TEF: variants seen among roughly 807,000 people sequenced by gnomAD.
TEF encodes TEF transcription factor, PAR bZIP family member.
Under a neutral mutation model 20.8 loss-of-function variants are expected in TEF, and 3 were observed. That is an observed-to-expected ratio of 0.14 (90% CI 0.07 to 0.37). The LOEUF (loss-of-function observed/expected upper bound fraction) is 0.37, where lower values mean the gene tolerates loss of function less well. Among genes scored for constraint, TEF ranks in the 10% least tolerant of loss-of-function variants. The pLI, the probability that TEF is intolerant of heterozygous loss-of-function variation, is 1.00. For synonymous variants in TEF, 180 were observed against 171.1 expected (o/e 1.05, Z -0.41); for missense variants, 296 against 397.9 (o/e 0.74, Z 2.18).
At chr22:41,394,005 C>T (rs2037197515) in intron 2 of TEF, 91 bp from the exon 3 acceptor site, 2 of 1,242,810 alleles carry the variant, frequency 1.6e-6, no homozygotes, top group Non-Finnish European at 2.3e-6. Context: ...GCTTATGCAG[C>T]CTTGAGGTTC....
rs183822036 is a variant in TEF, at chr22:41,397,841, T to G, written c.*1881T>G. 9 of 152,334 alleles carry G rather than the reference T, an allele frequency of 5.9e-5. No individual in the cohort carries two copies. Among genetic ancestry groups the G allele is most frequent in the Admixed American group, 3.3e-4 (5 of 15,306 alleles). 9.4% of individuals were successfully genotyped at this position (152,334 alleles called of 1,614,324 possible). A position where few individuals can be genotyped will look rare whatever the true frequency, so the allele number is the denominator to read the frequency against. On this transcript the variant is annotated 3_prime_UTR_variant, in exon 4 of 4. Coordinates refer to ENST00000266304, the MANE Select transcript of TEF (RefSeq NM_003216.4). ...CACCAAGAGGGCGGTTCTCATTTTG[T>G]TATTAGTGGAAGAGCCTTGAGCTTA...
chr22:41,384,353 A>G (rs2037070420), intron 1 of TEF, among the ~76,000 whole-genome samples: 1 of 151,892 alleles, frequency 6.6e-6, no homozygotes. Context: ...TTGGATATCC[A>G]CATGTGTAAC....
chr22:41,394,107 G>C lies in TEF; in HGVS notation c.487G>C (p.Glu163Gln). 1 of 1,614,046 alleles carries C rather than the reference G, an allele frequency of 6.2e-7. No individual in the cohort carries two copies. The highest frequency in any genetic ancestry group is 8.5e-7 in the Non-Finnish European group (1 of 1,179,992). The stretch of plus-strand genomic sequence containing the variant: ...TCTGTGTCTTTTAGAATCTTCCCTG[G>C]AGAAGGAGAGGGAGACTCCCAGTCC... ...ETVSSTESSL[E>Q]KERETPSPID... is the part of the protein sequence containing the mutation. The change falls in exon 3 of 4, where the codon GAG (glutamate) becomes CAG (glutamine). Residue 163 changes from glutamate to glutamine, a missense_variant. Physicochemically the swap from Glu to Gln is conservative, Grantham distance 29. Transcript: ENST00000266304.
intron 1 of TEF, among the ~76,000 whole-genome samples, chr22:41,368,354 TG>T (rs1461637283): frequency 2.6e-5 from 4 of 152,168 alleles, no homozygotes; most frequent in Non-Finnish European, 5.9e-5. Context: ...GGGGCCCAGC[TG>T]GCTTTTGCTG....
intron 1 of TEF, among the ~76,000 whole-genome samples, chr22:41,382,659 C>G (rs1179199675): frequency 1.3e-5 from 2 of 152,066 alleles, no homozygotes; most frequent in African/African-American, 2.4e-5. Context: ...CCTAGGGTAG[C>G]GAACTGTCAT....
At chr22:41,385,891 G>C (rs2037091769) in intron 1 of TEF, among the ~76,000 whole-genome samples, 1 of 151,984 alleles carries the variant, frequency 6.6e-6, no homozygotes, top group Admixed American at 6.6e-5. Flanking sequence ...CACCATGTTG[G>C]CCAGGCTGGT....
chr22:41,378,746 A>C (rs2036978536), upstream of TEF, among the ~76,000 whole-genome samples: 1 of 151,948 alleles, frequency 6.6e-6, no homozygotes, highest in Non-Finnish European at 1.5e-5. Flanking sequence ...TGCTGGGATT[A>C]CATGGGTGAG....
intron 2 of TEF, among the ~76,000 whole-genome samples, chr22:41,388,212 G>A (rs1309687505): frequency 1.3e-5 from 2 of 151,696 alleles, no homozygotes; most frequent in Non-Finnish European, 2.9e-5. Flanking sequence ...TGGCCAGGCT[G>A]GTCTCGAACT....
chr22:41,380,179 T>C (rs1272889281), upstream of TEF, among the ~76,000 whole-genome samples: 1 of 151,988 alleles, frequency 6.6e-6, no homozygotes, highest in East Asian at 1.9e-4. Context: ...TGACATGGAG[T>C]CTCCCTCTGT....
At chr22:41,386,354 T>C (rs953184966) in intron 1 of TEF, among the ~76,000 whole-genome samples, 1 of 152,120 alleles carries the variant, frequency 6.6e-6, no homozygotes, top group African/African-American at 2.4e-5. Flanking sequence ...GGCAGGAGAA[T>C]CGCTTGAACC....
intron 1 of TEF, among the ~76,000 whole-genome samples, chr22:41,375,438 T>C (rs1289859598): frequency 2.0e-5 from 3 of 152,198 alleles, no homozygotes; most frequent in Admixed American, 2.0e-4. Flanking sequence ...ACACAATGCC[T>C]GTTATTTGAT....
upstream of TEF, among the ~76,000 whole-genome samples, chr22:41,378,770 C>T (rs889594237): frequency 7.9e-5 from 12 of 152,166 alleles, no homozygotes; most frequent in African/African-American, 2.2e-4. Context: ...CCACGCCCAG[C>T]CCTGTATTGG....
At position 41,396,789 on chromosome 22, in the gene TEF, T is replaced by C. The variant is rs2037234511; in HGVS notation, c.*829T>C. 2.5e-6 allele frequency: 1 copy of C among 396,480 alleles called. No individual in the cohort carries two copies. Among genetic ancestry groups the C allele is most frequent in the East Asian group, 3.6e-5 (1 of 28,010 alleles). The allele number at this position is 396,480 out of a possible 1,614,324, so 24.6% of individuals were successfully genotyped here. A position where few individuals can be genotyped will look rare whatever the true frequency, so the allele number is the denominator to read the frequency against. ...CTCGTTTGTCCCACTAGACCAGGCC[T>C]CTGGGCCTGCTCTTTCTTTCCACCC... On this transcript the variant is annotated 3_prime_UTR_variant, in exon 4 of 4. Transcript: ENST00000266304.
chr22:41,381,894 C>A, upstream of TEF: 1 of 1,225,936 alleles, frequency 8.2e-7, no homozygotes, highest in Non-Finnish European at 1.0e-6. Context: ...AGCCGGTCCG[C>A]AGGCGGGGTA....
chr22:41,377,458 G>A (rs983776421), upstream of TEF, among the ~76,000 whole-genome samples: 3 of 152,078 alleles, frequency 2.0e-5, no homozygotes, highest in Non-Finnish European at 2.9e-5. Context: ...CTTCTTATGG[G>A]GTTTATTTCT....
At chr22:41,376,817 C>T (rs58505268) in intron 1 of TEF, among the ~76,000 whole-genome samples, 2,149 of 152,326 alleles carry the variant, frequency 0.014, 53 homozygotes, top group African/African-American at 0.05. Context: ...ATCCTCACAA[C>T]CATCCTGTGA....
intron 2 of TEF, among the ~76,000 whole-genome samples, chr22:41,389,781 T>C (rs2037144337): frequency 6.6e-6 from 1 of 152,206 alleles, no homozygotes; most frequent in East Asian, 1.9e-4. Flanking sequence ...AGCCGCTTTG[T>C]TAAGTTTCAT....
intron 3 of TEF, among the ~76,000 whole-genome samples, chr22:41,395,532 T>A (rs2073167): frequency 6.6e-6 from 1 of 151,848 alleles, no homozygotes; most frequent in Non-Finnish European, 1.5e-5. Context: ...CTCTTCACCA[T>A]GTAACGTACC....
chr22:41,387,719 A>G (rs2037115120), intron 2 of TEF, 51 bp downstream of exon 2: 1 of 1,532,010 alleles, frequency 6.5e-7, no homozygotes, highest in Non-Finnish European at 8.8e-7. Flanking sequence ...AGGGAAGTCC[A>G]TTTCCCACTG....
Sources: gnomAD v4.1 joint callset for allele counts (sites outside exome capture counted in the v4.1 genomes callset) on GRCh38, gnomAD v4.1.1 for gene constraint, MANE v1.5 for transcripts, NCBI Gene and HGNC (gene_info 2026-07-23, HGNC 2026-07-21) for gene names.